The following TSPAN5 variants were observed in gnomAD, a reference collection of about 807,000 sequenced individuals.
TSPAN5 encodes the protein tetraspanin 5, also known as tetraspanin-5.
In TSPAN5, 10 loss-of-function variants were observed where a neutral mutation model predicts 37.1. The ratio of observed to expected loss-of-function variants is 0.27; its 90% confidence interval spans 0.17 to 0.46. The LOEUF is 0.46. Ranked by LOEUF, TSPAN5 falls within the 20% of genes least tolerant of loss-of-function variation. The pLI, the probability that TSPAN5 is intolerant of heterozygous loss-of-function variation, is 1.00. For synonymous variants in TSPAN5, 110 were observed against 118.9 expected (o/e 0.93, Z 0.48); for missense variants, 195 against 326.6 (o/e 0.60, Z 3.11).
rs934113250 is a variant in TSPAN5 at position 98,658,579 on chromosome 4, C to T, written c.-353G>A. On this transcript the variant is annotated 5_prime_UTR_variant, in exon 1 of 8. Transcript: ENST00000305798. ...TCCCCGGGCTTCGGGCAAAGGCGGC[C>T]GCGGCAGATGCTGGTGGAGACGCCG... The T allele has an allele frequency of 1.6e-3, 261 of 160,430 alleles. 1 individual carries two copies. Among genetic ancestry groups the T allele is most frequent in the African/African-American group, 6.1e-3 (254 of 41,872 alleles). The allele number at this position is 160,430 out of a possible 1,614,324, so 9.9% of individuals were successfully genotyped here.
At chr4:98,475,816 C>A (rs1029251757) in intron 7 of TSPAN5, among the ~76,000 whole-genome samples, 1 of 151,920 alleles carries the variant, frequency 6.6e-6, no homozygotes, top group Non-Finnish European at 1.5e-5. Context: ...GGTGAAACCC[C>A]GTCTCTATTA....
intron 1 of TSPAN5, among the ~76,000 whole-genome samples, chr4:98,592,838 T>C (rs1237090517): frequency 6.6e-6 from 1 of 150,534 alleles, no homozygotes; most frequent in Admixed American, 6.7e-5. Context: ...AGTCTATCAT[T>C]GTTGGACATC....
intron 1 of TSPAN5, among the ~76,000 whole-genome samples, chr4:98,560,477 G>A (rs1754856637): frequency 6.6e-6 from 1 of 152,168 alleles, no homozygotes; most frequent in Non-Finnish European, 1.5e-5. Context: ...GAATGAGATT[G>A]AAGAGACTAA....
At chr4:98,479,586 C>G (rs963537021) in intron 4 of TSPAN5, among the ~76,000 whole-genome samples, 1 of 152,144 alleles carries the variant, frequency 6.6e-6, no homozygotes, top group Non-Finnish European at 1.5e-5. Flanking sequence ...ATGAGGGGCA[C>G]CTGTCCATAT....
rs1228417661 is a variant in TSPAN5, at chr4:98,491,703, T to TG, written c.133-4820dup. ...CTCTGTCTAAAAAAAAAAAAAAAGGTGGGGGGGAACATAATCCTGACAACA... is the reference window on the plus strand; with the variant it reads ...CTCTGTCTAAAAAAAAAAAAAAAGGTGGGGGGGGAACATAATCCTGACAACA... On this transcript the variant is annotated intron_variant, in intron 2 of 7. Transcript: ENST00000305798. Among the ~76,000 whole-genome samples, 556 of 141,118 alleles carry TG rather than the reference T, an allele frequency of 3.9e-3. 1 individual carries two copies. The highest frequency in any genetic ancestry group is 0.011 in the African/African-American group (435 of 38,354). 92.6% of individuals were successfully genotyped at this position (141,118 alleles called of 152,430 possible). A position where few individuals can be genotyped will look rare whatever the true frequency, so the allele number is the denominator to read the frequency against.
At chr4:98,618,045 A>G (rs1316550048) in intron 1 of TSPAN5, among the ~76,000 whole-genome samples, 3 of 152,198 alleles carry the variant, frequency 2.0e-5, no homozygotes, top group African/African-American at 7.2e-5. Context: ...ACAACCTTGG[A>G]GAGAACCCAG....
At chr4:98,631,835 T>C (rs550787973) in intron 1 of TSPAN5, among the ~76,000 whole-genome samples, 1 of 152,300 alleles carries the variant, frequency 6.6e-6, no homozygotes, top group East Asian at 1.9e-4. Flanking sequence ...GGAGGAAACT[T>C]TGTCTCTGGG....
Position 98,543,968 on chromosome 4 carries a change from AG to A in TSPAN5, c.82-36241del, listed in dbSNP as rs1181362103. ...CGAGGCAGGAGGATTGTCTGGGGCC[AG>A]GAGTTCGAGACCAAAGTGGGCAACA... On this transcript the variant is annotated intron_variant, in intron 1 of 7. Coordinates refer to ENST00000305798, the MANE Select transcript of TSPAN5 (RefSeq NM_005723.4). Among the ~76,000 whole-genome samples the A allele has an allele frequency of 2.0e-5, 3 of 152,058 alleles. No homozygotes were observed. The East Asian group carries it at 5.8e-4, about 30-fold the overall frequency.
intron 2 of TSPAN5, among the ~76,000 whole-genome samples, chr4:98,502,697 T>C (rs927402840): frequency 4.6e-5 from 7 of 151,998 alleles, no homozygotes; most frequent in Admixed American, 2.0e-4. Context: ...AGAAATATAG[T>C]CTGATGTAAT....
In TSPAN5 at chr4:98,578,740, C is replaced by T. The variant is rs114679037; in HGVS notation, c.82-71012G>A. Among the ~76,000 whole-genome samples the T allele has an allele frequency of 7.6e-4, 116 of 152,214 alleles. 1 individual carries two copies. Among genetic ancestry groups the T allele is most frequent in the African/African-American group, 2.8e-3 (115 of 41,544 alleles). ...CTAGCCTATTAGTACTTATTATATG[C>T]CAAACTCTGTGCAAATTGTCTTTGG... On this transcript the variant is annotated intron_variant, in intron 1 of 7. Transcript: ENST00000305798.
At chr4:98,508,464 G>C (rs1362282370) in intron 1 of TSPAN5, among the ~76,000 whole-genome samples, 2 of 151,988 alleles carry the variant, frequency 1.3e-5, no homozygotes, top group South Asian at 2.1e-4. Flanking sequence ...TGAGGACTGG[G>C]GGAATGCCAG....
chr4:98,599,087 C>T (rs574059447), intron 1 of TSPAN5, among the ~76,000 whole-genome samples: 333 of 152,180 alleles, frequency 2.2e-3, no homozygotes, highest in Non-Finnish European at 2.9e-3. Flanking sequence ...TATAAAAGTG[C>T]GAAATAACCC....
At chr4:98,657,729 G>C (rs1357120621) in intron 1 of TSPAN5, 1 of 255,066 alleles carries the variant, frequency 3.9e-6, no homozygotes, top group Non-Finnish European at 7.6e-6. Flanking sequence ...ATCGTTGTTA[G>C]AAGGTGGACC....
In TSPAN5 at chr4:98,476,193, A is replaced by G; in HGVS notation, c.737T>C (p.Leu246Pro). The stretch of plus-strand genomic sequence containing the variant: ...CATAAAGGACCCTTATCTTACCTGC[A>G]GCAATGCAATGCCTATGAAAATACC... ...VAGIFIGIAL[L>P]QIFGICLAQN... Residue 246 changes from leucine to proline, a missense_variant, in exon 7 of 8, where the codon CTG (leucine) becomes CCG (proline). Leu to Pro is a moderately conservative substitution (Grantham distance 98, BLOSUM62 -3). Coordinates refer to ENST00000305798, the MANE Select transcript of TSPAN5 (RefSeq NM_005723.4). 1 of 1,612,928 alleles carries G rather than the reference A, an allele frequency of 6.2e-7. No homozygotes were observed. Among genetic ancestry groups the G allele is most frequent in the Non-Finnish European group, 8.5e-7 (1 of 1,178,874 alleles).
chr4:98,515,712 C>T (rs538729707), intron 1 of TSPAN5, among the ~76,000 whole-genome samples: 18 of 152,052 alleles, frequency 1.2e-4, no homozygotes, highest in Admixed American at 3.9e-4. Context: ...TGGCAGCATC[C>T]GGCCTCCCAT....
At chr4:98,632,441 A>G (rs1756768680) in intron 1 of TSPAN5, among the ~76,000 whole-genome samples, 1 of 152,174 alleles carries the variant, frequency 6.6e-6, no homozygotes, top group South Asian at 2.1e-4. Context: ...TTTAGAAGGG[A>G]TCATCATATA....
At chr4:98,657,602 G>A (rs74910094) in intron 1 of TSPAN5, 8,617 of 164,388 alleles carry the variant, frequency 0.052, 560 homozygotes, top group East Asian at 0.22. Flanking sequence ...GCAATTACAG[G>A]ACCATATACC....
chr4:98,500,152 C>T (rs969345500), intron 2 of TSPAN5: 3 of 152,130 alleles, frequency 2.0e-5, no homozygotes, highest in Admixed American at 6.5e-5. Context: ...ATCTGAGTAA[C>T]CATTTTCCTC....
intron 2 of TSPAN5, among the ~76,000 whole-genome samples, chr4:98,490,672 A>C (rs750640377): frequency 1.8e-4 from 27 of 152,322 alleles, no homozygotes; most frequent in Non-Finnish European, 3.1e-4. Context: ...TTGAAAACTA[A>C]CTCAAATCTT....
Sources: allele counts gnomAD v4.1 joint callset (sites outside exome capture counted in the v4.1 genomes callset), GRCh38; gene constraint gnomAD v4.1.1; transcripts MANE v1.5; gene names NCBI Gene and HGNC (gene_info 2026-07-23, HGNC 2026-07-21).